Variants in WWOX observed in about 807,000 individuals in gnomAD.
The protein encoded by WWOX is WW domain-containing oxidoreductase.
WWOX carries 69 observed loss-of-function variants against 46.2 expected under a neutral mutation model. The observed-to-expected ratio is 1.49, with a 90% confidence interval of 1.23 to 1.82. WWOX has a LOEUF of 1.82. WWOX is among the 40% of genes most tolerant of loss of function. WWOX has a pLI of 0.00. For missense variants in WWOX, 919 were observed against 542.6 expected (o/e 1.69, Z -6.89); for synonymous variants, 359 against 202.6 (o/e 1.77, Z -6.56).
chr16:78,555,142 C>T (rs986979995), intron 8 of WWOX, among the ~76,000 whole-genome samples: 2 of 139,076 alleles, frequency 1.4e-5, no homozygotes, highest in Non-Finnish European at 3.0e-5. Context: ...TTTTCTCTTT[C>T]TCTCATAGTT....
chr16:78,800,594 C>T (rs898094861), intron 8 of WWOX, among the ~76,000 whole-genome samples: 24 of 152,170 alleles, frequency 1.6e-4, no homozygotes, highest in Admixed American at 6.5e-5. Flanking sequence ...ATAGAATTTG[C>T]CATTCGCTTC....
At chr16:78,856,132 C>G (rs972477359) in intron 8 of WWOX, among the ~76,000 whole-genome samples, 12 of 152,094 alleles carry the variant, frequency 7.9e-5, no homozygotes, top group Non-Finnish European at 1.5e-4. Context: ...GAAAGGAGTT[C>G]AGGGTTGAAA....
intron 5 of WWOX, among the ~76,000 whole-genome samples, chr16:78,363,394 C>T (rs576370379): frequency 1.3e-4 from 19 of 151,870 alleles, no homozygotes; most frequent in African/African-American, 4.6e-4. Flanking sequence ...CTTTCTCAGA[C>T]CCCAAAGTAG....
intron 8 of WWOX, among the ~76,000 whole-genome samples, chr16:78,536,998 C>T (rs1011591968): frequency 1.7e-4 from 26 of 150,364 alleles, no homozygotes; most frequent in Admixed American, 1.1e-3. Flanking sequence ...CTGACTGCAA[C>T]GTGCACCTCT....
chr16:78,832,477 G>C (rs7404730), intron 8 of WWOX, among the ~76,000 whole-genome samples: 58,427 of 151,962 alleles, frequency 0.38, 11,940 homozygotes, highest in Middle Eastern at 0.56. Context: ...TCCACCATTG[G>C]AAGGGAGGTC....
intron 8 of WWOX, among the ~76,000 whole-genome samples, chr16:79,020,429 G>C (rs11647712): frequency 0.49 from 74,533 of 151,934 alleles, 18,431 homozygotes; most frequent in East Asian, 0.53. Context: ...CCTCTTTGTG[G>C]CTCAGTTTCT....
At chr16:78,643,950 C>T (rs887003127) in intron 8 of WWOX, among the ~76,000 whole-genome samples, 6 of 152,170 alleles carry the variant, frequency 3.9e-5, no homozygotes, top group Admixed American at 2.0e-4. Flanking sequence ...CAGCTGGGTG[C>T]GGTGGCTCAC....
chr16:78,930,611 TA>T (rs34008115), intron 8 of WWOX, among the ~76,000 whole-genome samples: 1 of 150,554 alleles, frequency 6.6e-6, no homozygotes, highest in Admixed American at 6.6e-5. Flanking sequence ...TTTTTTTTTT[TA>T]AACAAACTTC....
intron 8 of WWOX, chr16:78,525,553 T>C (rs952271693): frequency 3.3e-5 from 5 of 152,166 alleles, no homozygotes; most frequent in Admixed American, 6.5e-5. Flanking sequence ...TTCTTACTTT[T>C]CCATAAGGAT....
At chr16:78,216,540 C>T (rs1377542353) in intron 5 of WWOX, among the ~76,000 whole-genome samples, 2 of 106 alleles carry the variant, frequency 0.019, no homozygotes, top group Non-Finnish European at 0.017. Flanking sequence ...GGCCTTTTCC[C>T]ATGACGCTAG....
intron 8 of WWOX, among the ~76,000 whole-genome samples, chr16:78,755,554 A>G (rs1167092966): frequency 3.9e-5 from 6 of 152,150 alleles, no homozygotes; most frequent in Non-Finnish European, 8.8e-5. Context: ...AAATAATTCT[A>G]CATTATTTAG....
At chr16:78,999,835 T>A (rs976446866) in intron 8 of WWOX, among the ~76,000 whole-genome samples, 1 of 152,146 alleles carries the variant, frequency 6.6e-6, no homozygotes, top group African/African-American at 2.4e-5. Flanking sequence ...TGTAAGAAAT[T>A]GGCACTTGTA....
intron 5 of WWOX, among the ~76,000 whole-genome samples, chr16:78,347,736 G>T (rs1428622164): frequency 1.6e-5 from 2 of 122,284 alleles, no homozygotes; most frequent in Admixed American, 1.6e-4. Context: ...CACTATTCAT[G>T]AGACTGCTAA....
At chr16:78,633,565 T>TGATGAGTAC (rs1340208911) in intron 8 of WWOX, among the ~76,000 whole-genome samples, 1 of 152,244 alleles carries the variant, frequency 6.6e-6, no homozygotes, top group African/African-American at 2.4e-5. Context: ...TGCGGGTTTC[T>TGATGAGTAC]GATGAGTACG....
intron 8 of WWOX, among the ~76,000 whole-genome samples, chr16:78,633,093 T>G (rs1290921763): frequency 2.6e-5 from 4 of 152,028 alleles, no homozygotes; most frequent in Non-Finnish European, 5.9e-5. Flanking sequence ...TGAAACCCTG[T>G]CTCTACTACA....
In WWOX at chr16:78,702,524, G is replaced by A. The variant is rs1487050309; in HGVS notation, c.1056+269772G>A. Reference sequence around the variant, plus strand: ...AAATTAGCCAGGCACAGTGGCTCATGTCTGTAATCCCAAATGCTTGCTCGG... The same window carrying A: ...AAATTAGCCAGGCACAGTGGCTCATATCTGTAATCCCAAATGCTTGCTCGG... On this transcript the variant is annotated intron_variant, in intron 8 of 8. Transcript: ENST00000566780. Among the ~76,000 whole-genome samples, 3 of 151,908 alleles carry A rather than the reference G, an allele frequency of 2.0e-5. No homozygotes were observed. In the East Asian group the frequency reaches 5.9e-4, roughly 30 times the overall value.
chr16:79,021,683 C>T (rs2047536781), intron 8 of WWOX, among the ~76,000 whole-genome samples: 1 of 152,198 alleles, frequency 6.6e-6, no homozygotes, highest in Non-Finnish European at 1.5e-5. Flanking sequence ...GATCGCAGTG[C>T]ATTGCCTAAA....
chr16:78,444,713 G>C (rs1307095185), intron 8 of WWOX, among the ~76,000 whole-genome samples: 1 of 151,804 alleles, frequency 6.6e-6, no homozygotes, highest in African/African-American at 2.4e-5. Flanking sequence ...TGTATTCTTA[G>C]TAGAGACGAG....
intron 8 of WWOX, among the ~76,000 whole-genome samples, chr16:78,905,166 T>G (rs1254824047): frequency 6.6e-6 from 1 of 152,180 alleles, no homozygotes; most frequent in Non-Finnish European, 1.5e-5. Context: ...GTTATACCCC[T>G]GGACACCAAG....
Sources: allele counts gnomAD v4.1 joint callset (sites outside exome capture counted in the v4.1 genomes callset), GRCh38; gene constraint gnomAD v4.1.1; transcripts MANE v1.5; gene names NCBI Gene and HGNC (gene_info 2026-07-23, HGNC 2026-07-21).